Variants in S100A11 observed in about 807,000 individuals in gnomAD.
S100A11 encodes S100 calcium binding protein A11.
Under a neutral mutation model 7.4 loss-of-function variants are expected in S100A11, and 5 were observed. The ratio of observed to expected loss-of-function variants is 0.68; its 90% confidence interval spans 0.35 to 1.42. The LOEUF is 1.42. Among genes scored for constraint, S100A11 ranks in the 40% most tolerant of loss-of-function variants. The pLI, the probability that S100A11 is intolerant of heterozygous loss-of-function variation, is 0.04. For synonymous variants in S100A11, 47 were observed against 46.6 expected (o/e 1.01, Z -0.04); for missense variants, 96 against 125.0 (o/e 0.77, Z 1.11).
Position 152,036,894 on chromosome 1 carries a change from GA to G in S100A11, c.3+18del. The G allele has an allele frequency of 6.2e-7, 1 of 1,604,988 alleles. No homozygotes were observed. Among genetic ancestry groups the G allele is most frequent in the Non-Finnish European group, 8.5e-7 (1 of 1,171,966 alleles). The stretch of plus-strand genomic sequence containing the variant: ...TTTTCTTTTCATGTAAGAAGAAGAA[GA>G]AGAAAAGTGAGGCTTACCATGTTGG... On this transcript the variant is annotated intron_variant, in intron 1 of 2. Coordinates refer to ENST00000271638, the MANE Select transcript of S100A11 (RefSeq NM_005620.2).
chr1:152,036,763 C>A, intron 1 of S100A11, 150 bp downstream of exon 1: 1 of 711,462 alleles, frequency 1.4e-6, no homozygotes, highest in South Asian at 1.7e-5. Context: ...CCCTTCTTCC[C>A]CAGTTCCCTC....
chr1:152,035,475 T>G (rs1191034843), intron 1 of S100A11, among the ~76,000 whole-genome samples: 1 of 152,258 alleles, frequency 6.6e-6, no homozygotes, highest in Non-Finnish European at 1.5e-5. Flanking sequence ...ATTTAGAGAT[T>G]ATTTTCTTTT....
Position 152,032,682 on chromosome 1 carries a change from G to C in S100A11, c.298C>G (p.Pro100Ala), listed in dbSNP as rs373236471. The change falls in exon 3 of 3, where the codon CCT becomes GCT. Residue 100 changes from proline (P) to alanine (A), a missense_variant. By Grantham distance (27) the Pro-to-Ala change is conservative. Transcript: ENST00000271638. ...ACHDSFLKAV[P>A]SQKRT is the part of the protein sequence containing the mutation. Reference sequence around the variant, plus strand: ...GGTCCTCAGGTCCGCTTCTGGGAAGGGACAGCCTTGAGGAAGGAGTCATGG... The same window carrying C: ...GGTCCTCAGGTCCGCTTCTGGGAAGCGACAGCCTTGAGGAAGGAGTCATGG... 3.3e-4 allele frequency: 527 copies of C among 1,612,846 alleles called. 1 individual carries two copies. Among genetic ancestry groups the C allele is most frequent in the Non-Finnish European group, 4.3e-4 (510 of 1,179,104 alleles).
chr1:152,035,589 C>T (rs576813567), intron 1 of S100A11, among the ~76,000 whole-genome samples: 9 of 152,310 alleles, frequency 5.9e-5, no homozygotes, highest in African/African-American at 2.2e-4. Flanking sequence ...ACACAATTAT[C>T]AAATTACTAA....
chr1:152,035,419 C>T (rs948913670), intron 1 of S100A11, among the ~76,000 whole-genome samples: 8 of 152,158 alleles, frequency 5.3e-5, no homozygotes, highest in African/African-American at 1.9e-4. Context: ...TTTCACAGTG[C>T]CTTTCTGCTT....
In S100A11 at chr1:152,036,982, G is replaced by C. The variant is rs1345474097; in HGVS notation, c.-67C>G. On this transcript the variant is annotated 5_prime_UTR_variant, in exon 1 of 3. Transcript: ENST00000271638. ...GCGCTGAGAGCTCTGTGCGCGCGGC[G>C]TGCGGGTCTGGAGCCTCTCCTCAAC... The C allele has an allele frequency of 1.5e-5, 24 of 1,610,144 alleles. No individual in the cohort carries two copies. The highest frequency in any genetic ancestry group is 1.1e-4 in the African/African-American group (8 of 74,792).
Position 152,032,579 on chromosome 1 carries a change from C to T in S100A11, c.*83G>A. 1 of 1,312,988 alleles carries T rather than the reference C, an allele frequency of 7.6e-7. No homozygotes were observed. The highest frequency in any genetic ancestry group is 1.4e-5 in the South Asian group (1 of 73,808). The allele number at this position is 1,312,988 out of a possible 1,614,324, so 81.3% of individuals were successfully genotyped here. A position where few individuals can be genotyped will look rare whatever the true frequency, so the allele number is the denominator to read the frequency against. On this transcript the variant is annotated 3_prime_UTR_variant, in exon 3 of 3. Coordinates refer to ENST00000271638, the MANE Select transcript of S100A11 (RefSeq NM_005620.2). Reference sequence around the variant, plus strand: ...GCCTGCATGAGGTGGTTAGTGTGCTCAGGGGATGGGTGGGCTGTGGAGATG... The same window carrying T: ...GCCTGCATGAGGTGGTTAGTGTGCTTAGGGGATGGGTGGGCTGTGGAGATG...
intron 1 of S100A11, among the ~76,000 whole-genome samples, chr1:152,034,986 A>ACAGC (rs1326595588): frequency 6.6e-6 from 1 of 152,186 alleles, no homozygotes; most frequent in Non-Finnish European, 1.5e-5. Context: ...TCCTTCCTGT[A>ACAGC]CAGCCTTTAT....
chr1:152,033,617 T>C lies in S100A11; in HGVS notation c.156+31A>G, dbSNP rs1475792002. Reference sequence around the variant, plus strand: ...GGTCTTGTTTCATGTTGTGGGTAGTTTGGGGAAGTGGGGGAGACAGGGACC... The same window carrying C: ...GGTCTTGTTTCATGTTGTGGGTAGTCTGGGGAAGTGGGGGAGACAGGGACC... On this transcript the variant is annotated intron_variant, in intron 2 of 2. Transcript: ENST00000271638. The surrounding 1 kb of genome is among the most constrained non-coding windows in gnomAD (Gnocchi z 4.0). 4 of 1,606,562 alleles carry C rather than the reference T, an allele frequency of 2.5e-6. No homozygotes were observed. In the South Asian group the frequency reaches 3.3e-5, roughly 13 times the overall value.
intron 1 of S100A11, among the ~76,000 whole-genome samples, chr1:152,034,410 G>A (rs187923438): frequency 6.6e-6 from 1 of 152,386 alleles, no homozygotes; most frequent in Admixed American, 6.5e-5. Context: ...AAACGGACAG[G>A]AGAAGGGAAT....
rs1285122503 is a variant in S100A11, at chr1:152,032,683, G to C, written c.297C>G (p.Val99=). The change falls in exon 3 of 3, where the codon GTC becomes GTG. Residue 99 remains valine (V), a synonymous_variant. Coordinates refer to ENST00000271638, the MANE Select transcript of S100A11 (RefSeq NM_005620.2). ...GTCCTCAGGTCCGCTTCTGGGAAGGGACAGCCTTGAGGAAGGAGTCATGGC... is the reference window on the plus strand; with the variant it reads ...GTCCTCAGGTCCGCTTCTGGGAAGGCACAGCCTTGAGGAAGGAGTCATGGC... ...MACHDSFLKA[V]PSQKRT is the part of the protein sequence containing the mutation. 1.2e-6 allele frequency: 2 copies of C among 1,612,976 alleles called. No homozygotes were observed. Among genetic ancestry groups the C allele is most frequent in the East Asian group, 2.2e-5 (1 of 44,856 alleles).
intron 1 of S100A11, 73 bp downstream of exon 1, chr1:152,036,840 G>A: frequency 2.3e-6 from 3 of 1,322,832 alleles, no homozygotes; most frequent in South Asian, 2.3e-5. Context: ...AAAGTCTGCT[G>A]GGAAGTATGT....
At chr1:152,036,836 T>C in intron 1 of S100A11, 77 bp downstream of exon 1, 2 of 1,299,060 alleles carry the variant, frequency 1.5e-6, no homozygotes, top group Non-Finnish European at 2.2e-6. Flanking sequence ...AGATAAAGTC[T>C]GCTGGGAAGT....
chr1:152,036,598 C>G (rs1656837881), intron 1 of S100A11, among the ~76,000 whole-genome samples: 2 of 151,406 alleles, frequency 1.3e-5, no homozygotes, highest in East Asian at 3.9e-4. Flanking sequence ...GGGCTGGAGG[C>G]AGTGACCCAC....
intron 1 of S100A11, among the ~76,000 whole-genome samples, chr1:152,035,724 C>T (rs1332533380): frequency 6.6e-6 from 1 of 152,224 alleles, no homozygotes; most frequent in Non-Finnish European, 1.5e-5. Context: ...CGGCGCTCTC[C>T]ACACCTCATG....
chr1:152,036,366 G>A (rs1656830050), intron 1 of S100A11, among the ~76,000 whole-genome samples: 1 of 152,240 alleles, frequency 6.6e-6, no homozygotes, highest in South Asian at 2.1e-4. Flanking sequence ...TCTTGGCCGC[G>A]GCGCTGCGGG....
chr1:152,033,575 C>A lies in S100A11; in HGVS notation c.156+73G>T. On this transcript the variant is annotated intron_variant, in intron 2 of 2. Transcript: ENST00000271638. This position sits in a 1 kb window ranked among gnomAD's most constrained non-coding sequence, Gnocchi z 4.0. The stretch of plus-strand genomic sequence containing the variant: ...GGGTGTCAGTTGCTGCTCCTTCATT[C>A]CTGGCCATTCTGCCAGGGTCTTGTT... 1.4e-6 allele frequency: 2 copies of A among 1,451,718 alleles called. No homozygotes were observed. Among genetic ancestry groups the A allele is most frequent in the South Asian group, 2.3e-5 (2 of 85,672 alleles). 89.9% of individuals were successfully genotyped at this position (1,451,718 alleles called of 1,614,324 possible).
At position 152,032,677 on chromosome 1, in the gene S100A11, G is replaced by T; in HGVS notation, c.303C>A (p.Ser101=). Residue 101 remains serine (S), a synonymous_variant, in exon 3 of 3, where the codon TCC becomes TCA. Transcript: ENST00000271638. ...CHDSFLKAVP[S]QKRT ...CAAGGGGTCCTCAGGTCCGCTTCTG[G>T]GAAGGGACAGCCTTGAGGAAGGAGT... 6.2e-7 allele frequency: 1 copy of T among 1,611,776 alleles called. No homozygotes were observed. The highest frequency in any genetic ancestry group is 8.5e-7 in the Non-Finnish European group (1 of 1,178,174).
intron 1 of S100A11, among the ~76,000 whole-genome samples, chr1:152,036,375 G>A (rs1656830430): frequency 6.6e-6 from 1 of 152,204 alleles, no homozygotes; most frequent in Non-Finnish European, 1.5e-5. Flanking sequence ...CGGCGCTGCG[G>A]GCGGCGACGG....
Sources: gnomAD v4.1 joint callset for allele counts (sites outside exome capture counted in the v4.1 genomes callset) on GRCh38, gnomAD v4.1.1 for gene constraint, Gnocchi (gnomAD v3.1) non-coding constraint, MANE v1.5 for transcripts, NCBI Gene and HGNC (gene_info 2026-07-23, HGNC 2026-07-21) for gene names.